SCN4B: variants seen among roughly 807,000 people sequenced by gnomAD.
SCN4B encodes sodium voltage-gated channel beta subunit 4.
In SCN4B, 20 loss-of-function variants were observed where a neutral mutation model predicts 19.6. The observed-to-expected ratio is 1.02, with a 90% CI of 0.72 to 1.48. The LOEUF (loss-of-function observed/expected upper bound fraction) is 1.48, where lower values mean the gene tolerates loss of function less well. Ranked by LOEUF, SCN4B falls within the 40% of genes most tolerant of loss-of-function variation. The pLI is 0.00. For synonymous variants in SCN4B, 127 were observed against 122.8 expected, an observed-to-expected ratio of 1.03 and a Z score of -0.22; for missense variants, 271 against 287.5, an observed-to-expected ratio of 0.94 and a Z score of 0.42.
intron 2 of SCN4B, among the ~76,000 whole-genome samples, chr11:118,144,422 A>C (rs528835976): frequency 1.3e-5 from 2 of 152,214 alleles, no homozygotes; most frequent in South Asian, 4.2e-4. Flanking sequence ...ACACCATGTC[A>C]CCTGCCCAAC....
chr11:118,146,803 G>C (rs12282807), intron 1 of SCN4B, among the ~76,000 whole-genome samples: 1 of 152,116 alleles, frequency 6.6e-6, no homozygotes, highest in African/African-American at 2.4e-5. Flanking sequence ...TATGAGTCAC[G>C]TACTATTATA....
At chr11:118,152,502 T>A in intron 1 of SCN4B, 111 bp downstream of exon 1, 1 of 919,936 alleles carries the variant, frequency 1.1e-6, no homozygotes, top group East Asian at 2.7e-5. Context: ...CCATCCTCAT[T>A]CCGTGCCGCA....
chr11:118,146,372 G>A (rs1030737448), intron 1 of SCN4B, among the ~76,000 whole-genome samples: 1 of 151,894 alleles, frequency 6.6e-6, no homozygotes, highest in Non-Finnish European at 1.5e-5. Context: ...CCTCAAGGTC[G>A]GTGGAGGCGG....
intron 4 of SCN4B, among the ~76,000 whole-genome samples, chr11:118,139,970 T>C (rs1948074302): frequency 6.7e-6 from 1 of 148,466 alleles, no homozygotes; most frequent in African/African-American, 2.5e-5. Flanking sequence ...ACTCCTGGGC[T>C]CAAAGCATCC....
rs537720572 is a variant in SCN4B, at chr11:118,145,901, G to C, written c.62-672C>G. Among the ~76,000 whole-genome samples, 4 of 152,332 alleles carry C rather than the reference G, an allele frequency of 2.6e-5. No individual in the cohort carries two copies. The South Asian group carries it at 8.3e-4, about 32-fold the overall frequency. Reference sequence around the variant, plus strand: ...CTCTGGCCGCCAAACGGGACCCTGGGAACCGCAGGAAGACGGCCTGGCAGG... The same window carrying C: ...CTCTGGCCGCCAAACGGGACCCTGGCAACCGCAGGAAGACGGCCTGGCAGG... On this transcript the variant is annotated intron_variant, in intron 1 of 4. Transcript: ENST00000324727.
At chr11:118,145,722 G>A (rs1049461649) in intron 1 of SCN4B, 22 of 289,642 alleles carry the variant, frequency 7.6e-5, no homozygotes, top group Non-Finnish European at 1.4e-4. Context: ...GGTCCCGTAA[G>A]GTGAAGAAGA....
At position 118,133,966 on chromosome 11, in the gene SCN4B, C is replaced by T. The variant is rs776916884; in HGVS notation, c.*3061G>A. The T allele has an allele frequency of 8.8e-6, 4 of 454,548 alleles. No individual in the cohort carries two copies. The highest frequency in any genetic ancestry group is 1.8e-5 in the Non-Finnish European group (4 of 226,804). 28.2% of individuals were successfully genotyped at this position (454,548 alleles called of 1,614,324 possible). On this transcript the variant is annotated 3_prime_UTR_variant, in exon 5 of 5. Transcript: ENST00000324727. ...CATGCATCACCCCTTACATGCAGAG[C>T]CCATCCACTCCACAGTTACGCTGCC...
At position 118,145,151 on chromosome 11, in the gene SCN4B, G is replaced by A. The variant is rs759973225; in HGVS notation, c.140C>T (p.Thr47Met). Residue 47 changes from threonine (T) to methionine (M), a missense_variant, in exon 2 of 5, where the codon ACG becomes ATG. Thr to Met is a moderately conservative substitution (Grantham distance 81). Transcript: ENST00000324727. ...GAAGGTGCAGGGCAGCAGGATCTCC[G>A]TGCCATTGACAGCGTAGATGTCGGT... ...KATDIYAVNG[T>M]EILLPCTFSS... 4.3e-6 allele frequency: 7 copies of A among 1,614,060 alleles called. No individual in the cohort carries two copies. The highest frequency in any genetic ancestry group is 3.3e-5 in the Admixed American group (2 of 60,008).
intron 1 of SCN4B, among the ~76,000 whole-genome samples, chr11:118,151,504 G>C (rs1337437060): frequency 6.6e-6 from 1 of 152,174 alleles, no homozygotes; most frequent in East Asian, 1.9e-4. Flanking sequence ...CTTCCATCTA[G>C]CGGTACAGAG....
rs1204825302 is a variant in SCN4B, at chr11:118,135,775, T to C, written c.*1252A>G. ...AGAGGATGGGGGTAAGGGCTAGGAT[T>C]CAGGACTAAGGCACATTCTAGCCCC... On this transcript the variant is annotated 3_prime_UTR_variant, in exon 5 of 5. Transcript: ENST00000324727. 1 of 454,424 alleles carries C rather than the reference T, an allele frequency of 2.2e-6. No individual in the cohort carries two copies. Among genetic ancestry groups the C allele is most frequent in the Non-Finnish European group, 4.4e-6 (1 of 226,760 alleles). 28.1% of individuals were successfully genotyped at this position (454,424 alleles called of 1,614,324 possible).
intron 1 of SCN4B, among the ~76,000 whole-genome samples, chr11:118,150,233 T>C (rs1200575051): frequency 6.6e-6 from 1 of 152,172 alleles, no homozygotes; most frequent in African/African-American, 2.4e-5. Context: ...AGGAAGAGAT[T>C]GGAAAGCACA....
intron 2 of SCN4B, 86 bp from the exon 3 acceptor site, chr11:118,144,147 C>T: frequency 1.2e-6 from 1 of 866,162 alleles, no homozygotes; most frequent in Non-Finnish European, 2.0e-6. Flanking sequence ...CAGCCCACTC[C>T]TTGGATGCCT....
rs1314043175 is a variant in SCN4B at position 118,135,339 on chromosome 11, C to A, written c.*1688G>T. ...CACTCCACCCTTGCGAGGCTTGCAG[C>A]TGCTTTTTGACAGGGAGAGCTCTGA... On this transcript the variant is annotated 3_prime_UTR_variant, in exon 5 of 5. Coordinates refer to ENST00000324727, the MANE Select transcript of SCN4B (RefSeq NM_174934.4). The A allele has an allele frequency of 2.2e-6, 1 of 453,968 alleles. No individual in the cohort carries two copies. The highest frequency in any genetic ancestry group is 4.4e-6 in the Non-Finnish European group (1 of 226,790). 28.1% of individuals were successfully genotyped at this position (453,968 alleles called of 1,614,324 possible).
In SCN4B at chr11:118,135,903, G is replaced by C. The variant is rs1947988807; in HGVS notation, c.*1124C>G. 3 of 454,304 alleles carry C rather than the reference G, an allele frequency of 6.6e-6. No individual in the cohort carries two copies. The highest frequency in any genetic ancestry group is 1.3e-5 in the Non-Finnish European group (3 of 226,746). 28.1% of individuals were successfully genotyped at this position (454,304 alleles called of 1,614,324 possible). A position where few individuals can be genotyped will look rare whatever the true frequency, so the allele number is the denominator to read the frequency against. ...CCCCAGGGTGGGAGGGGGTGGCCCA[G>C]CTGAGCAGGAAGCAGCTGGGAAACC... On this transcript the variant is annotated 3_prime_UTR_variant, in exon 5 of 5. Transcript: ENST00000324727.
chr11:118,152,384 A>G (rs1017147193), intron 1 of SCN4B, among the ~76,000 whole-genome samples: 23 of 152,252 alleles, frequency 1.5e-4, no homozygotes, highest in African/African-American at 5.3e-4. Flanking sequence ...GACAGCAAAA[A>G]AACTAATCCT....
At position 118,145,200 on chromosome 11, in the gene SCN4B, G is replaced by A. The variant is rs1323384850; in HGVS notation, c.91C>T (p.Leu31=). ...GTGGCCTTTCCCACAGACACCTCCA[G>A]CGACAGGGTTACGGGGAGCAGGAAG... ...GLFLLPVTLS[L]EVSVGKATDI... Residue 31 remains leucine (L), a synonymous_variant, in exon 2 of 5, where the codon CTG becomes TTG. Coordinates refer to ENST00000324727, the MANE Select transcript of SCN4B (RefSeq NM_174934.4). 6 of 1,614,044 alleles carry A rather than the reference G, an allele frequency of 3.7e-6. No individual in the cohort carries two copies. Among genetic ancestry groups the A allele is most frequent in the Non-Finnish European group, 5.1e-6 (6 of 1,179,990 alleles).
intron 2 of SCN4B, 96 bp downstream of exon 2, chr11:118,144,961 A>T: frequency 7.9e-7 from 1 of 1,260,674 alleles, no homozygotes; most frequent in Non-Finnish European, 1.2e-6. Flanking sequence ...TCTGGGGACC[A>T]TCGCAGTGGG....
In SCN4B at chr11:118,135,441, A is replaced by C. The variant is rs1426597096; in HGVS notation, c.*1586T>G. 2.2e-6 allele frequency: 1 copy of C among 454,116 alleles called. No individual in the cohort carries two copies. Among genetic ancestry groups the C allele is most frequent in the Non-Finnish European group, 4.4e-6 (1 of 226,778 alleles). The allele number at this position is 454,116 out of a possible 1,614,324, so 28.1% of individuals were successfully genotyped here. ...TAGGGGCCCAGAAGACAGGGCATCA[A>C]AAAATCAGTAAGGGAGAGAGGGATT... On this transcript the variant is annotated 3_prime_UTR_variant, in exon 5 of 5. Transcript: ENST00000324727.
At position 118,148,262 on chromosome 11, in the gene SCN4B, G is replaced by A. The variant is rs376046707; in HGVS notation, c.62-3033C>T. ...TCTTCAGTGCACAGCCCTCCCAGTC[G>A]GGAGTCATGCAGTCCTGCCAGTTAT... On this transcript the variant is annotated intron_variant, in intron 1 of 4. Transcript: ENST00000324727. The surrounding 1 kb of genome is among the most constrained non-coding windows in gnomAD (Gnocchi z 4.0). Among the ~76,000 whole-genome samples the A allele has an allele frequency of 1.6e-4, 24 of 152,340 alleles. 1 individual carries two copies. The South Asian group carries it at 3.5e-3, about 22-fold the overall frequency.
Sources: allele counts gnomAD v4.1 joint callset (sites outside exome capture counted in the v4.1 genomes callset), GRCh38; gene constraint gnomAD v4.1.1; non-coding constraint Gnocchi (gnomAD v3.1); transcripts MANE v1.5; gene names NCBI Gene and HGNC (gene_info 2026-07-23, HGNC 2026-07-21).